CPS1: variants seen among roughly 807,000 people sequenced by gnomAD.
CPS1 encodes carbamoyl-phosphate synthase 1, also known as carbamoyl-phosphate synthase [ammonia], mitochondrial.
In CPS1, 109 loss-of-function variants were observed where a neutral mutation model predicts 174.6. The observed-to-expected ratio is 0.62, with a 90% confidence interval of 0.53 to 0.73. The LOEUF is 0.73. Among genes scored for constraint, CPS1 ranks in the 30% least tolerant of loss-of-function variants. The probability of loss-of-function intolerance (pLI) is 0.00; values close to 1 mark genes in which losing one functional copy is unlikely to be tolerated. For missense variants in CPS1, 1,689 were observed against 1,821.9 expected (o/e 0.93, Z 1.33); for synonymous variants, 637 against 632.0 (o/e 1.01, Z -0.12).
intron 1 of CPS1, among the ~76,000 whole-genome samples, chr2:210,513,715 G>A (rs1695596471): frequency 6.6e-6 from 1 of 151,912 alleles, no homozygotes; most frequent in African/African-American, 2.4e-5. Flanking sequence ...GTGAATTTTT[G>A]TTTCTGTTGC....
chr2:210,621,301 G>GT (rs1331598844), intron 21 of CPS1, among the ~76,000 whole-genome samples: 4 of 152,112 alleles, frequency 2.6e-5, no homozygotes, highest in Non-Finnish European at 5.9e-5. Flanking sequence ...TCGAATACTT[G>GT]TTATGTGTAT....
At chr2:210,601,101 A>T (rs1698709679) in intron 15 of CPS1, among the ~76,000 whole-genome samples, 1 of 151,824 alleles carries the variant, frequency 6.6e-6, no homozygotes, top group South Asian at 2.1e-4. Flanking sequence ...TTTGCTTTAA[A>T]TTTTTTTTAA....
chr2:210,614,293 C>CT (rs1373236906), intron 20 of CPS1, among the ~76,000 whole-genome samples: 1 of 151,720 alleles, frequency 6.6e-6, no homozygotes, highest in Non-Finnish European at 1.5e-5. Flanking sequence ...TTTATCCAGT[C>CT]TATCATTGAT....
intron 17 of CPS1, among the ~76,000 whole-genome samples, chr2:210,605,673 G>A (rs1698882611): frequency 6.6e-6 from 1 of 151,818 alleles, no homozygotes; most frequent in Admixed American, 6.6e-5. Context: ...TGATAACTTA[G>A]GATTTAAAAG....
chr2:210,659,552 G>A (rs1217034767), intron 31 of CPS1, among the ~76,000 whole-genome samples: 2 of 152,034 alleles, frequency 1.3e-5, no homozygotes, highest in East Asian at 3.9e-4. Context: ...GGCCACACTG[G>A]GGACCAAATT....
intron 1 of CPS1, among the ~76,000 whole-genome samples, chr2:210,536,288 A>G (rs1423839972): frequency 6.7e-6 from 1 of 148,920 alleles, no homozygotes; most frequent in African/African-American, 2.5e-5. Context: ...AGTTTTAAAT[A>G]TATGTATTTT....
chr2:210,662,541 A>C (rs952457863), intron 32 of CPS1, among the ~76,000 whole-genome samples: 2 of 152,230 alleles, frequency 1.3e-5, no homozygotes, highest in Admixed American at 6.5e-5. Context: ...CATCAGTAAA[A>C]TAAATGAAAA....
intron 1 of CPS1, among the ~76,000 whole-genome samples, chr2:210,494,069 C>T (rs1475477326): frequency 6.6e-6 from 1 of 152,094 alleles, no homozygotes; most frequent in Non-Finnish European, 1.5e-5. Flanking sequence ...AACAGAGTAT[C>T]GAGGTAGGCT....
chr2:210,517,289 A>G (rs1181550976), intron 1 of CPS1, among the ~76,000 whole-genome samples: 2 of 151,964 alleles, frequency 1.3e-5, no homozygotes, highest in Non-Finnish European at 2.9e-5. Flanking sequence ...TTGGTGCATA[A>G]TCTTCAAAGA....
chr2:210,654,113 T>G lies in CPS1; in HGVS notation c.3558+11T>G. On this transcript the variant is annotated intron_variant, in intron 29 of 37. Coordinates refer to ENST00000233072, the MANE Select transcript of CPS1 (RefSeq NM_001875.5). ...GGCAAAGATGGAAGGGTAAGTGCTT[T>G]ATTCTCATCTCCTTCATTCCTGCCT... is the stretch of plus-strand genomic sequence containing the variant. The G allele has an allele frequency of 2.5e-6, 4 of 1,609,684 alleles. No individual in the cohort carries two copies. The highest frequency in any genetic ancestry group is 3.4e-6 in the Non-Finnish European group (4 of 1,175,934).
At chr2:210,588,243 T>A in intron 7 of CPS1, 96 bp downstream of exon 7, 1 of 1,001,560 alleles carries the variant, frequency 1.0e-6, no homozygotes, top group Non-Finnish European at 1.6e-6. Context: ...ATGCATTCTT[T>A]CAGAATGTCA....
At position 210,500,018 on chromosome 2, in the gene CPS1, A is replaced by G. The variant is rs560574733; in HGVS notation, c.3+22252A>G. Reference sequence around the variant, plus strand: ...TAGGGGAGGCCTCAGGAAGCTTACAATTATGGTGGAAGGCACATCTTCACA... The same window carrying G: ...TAGGGGAGGCCTCAGGAAGCTTACAGTTATGGTGGAAGGCACATCTTCACA... On this transcript the variant is annotated intron_variant, in intron 1 of 38. Coordinates refer to the CPS1 transcript ENST00000430249. Among the ~76,000 whole-genome samples the G allele has an allele frequency of 2.6e-5, 4 of 152,226 alleles. No homozygotes were observed. In the South Asian group the frequency reaches 6.2e-4, roughly 24 times the overall value.
intron 1 of CPS1, among the ~76,000 whole-genome samples, chr2:210,531,837 G>A (rs1186572142): frequency 6.6e-6 from 1 of 152,100 alleles, no homozygotes; most frequent in Non-Finnish European, 1.5e-5. Flanking sequence ...TCTTTGTGTG[G>A]TACATGGTTT....
intron 28 of CPS1, 78 bp downstream of exon 28, chr2:210,650,516 TG>T: frequency 1.9e-6 from 2 of 1,042,358 alleles, no homozygotes; most frequent in Non-Finnish European, 3.0e-6. Flanking sequence ...TAAAATGTAG[TG>T]ACATTTATCT....
At chr2:210,525,999 C>G (rs1695963280) in intron 1 of CPS1, among the ~76,000 whole-genome samples, 1 of 151,716 alleles carries the variant, frequency 6.6e-6, no homozygotes, top group Admixed American at 6.6e-5. Context: ...CACTGGGGAA[C>G]TAATGGGAGA....
rs1181945940 is a variant in CPS1, at chr2:210,608,559, G to T, written c.2391G>T (p.Glu797Asp). The change falls in exon 19 of 38, where the codon GAG (glutamate) becomes GAT (aspartate). Residue 797 changes from glutamate (E) to aspartate (D), a missense_variant and splice_region_variant. Physicochemically the swap from Glu to Asp is conservative, Grantham distance 45. Coordinates refer to ENST00000233072, the MANE Select transcript of CPS1 (RefSeq NM_001875.5). ...GTAGCTCTATGAAAAGTGTAGGAGA[G>T]GTGAGTCCTTGGTTTATTACGCTTT... The part of the protein sequence containing the change: ...RIGSSMKSVG[E>D]VMAIGRTFEE... 1.9e-6 allele frequency: 3 copies of T among 1,611,114 alleles called. No individual in the cohort carries two copies. Among genetic ancestry groups the T allele is most frequent in the Non-Finnish European group, 2.5e-6 (3 of 1,178,036 alleles).
In CPS1 at chr2:210,612,298, G is replaced by T; in HGVS notation, c.2568+5G>T. ...CGTATCTATGCCATTGCCAAGGTAA[G>T]ATGTTACAAGGGGCCCACAGCTACT... On this transcript the variant is annotated splice_donor_5th_base_variant and intron_variant, in intron 20 of 37. Coordinates refer to ENST00000233072, the MANE Select transcript of CPS1 (RefSeq NM_001875.5). The T allele has an allele frequency of 6.2e-7, 1 of 1,611,720 alleles. No homozygotes were observed. The highest frequency in any genetic ancestry group is 8.5e-7 in the Non-Finnish European group (1 of 1,178,426).
In CPS1 at chr2:210,543,615, A is replaced by G. The variant is rs187977261; in HGVS notation, c.4-13104A>G. Among the ~76,000 whole-genome samples, 21 of 152,180 alleles carry G rather than the reference A, an allele frequency of 1.4e-4. No homozygotes were observed. The East Asian group carries it at 3.1e-3, about 22-fold the overall frequency. On this transcript the variant is annotated intron_variant, in intron 1 of 38. Coordinates refer to the CPS1 transcript ENST00000430249. Reference sequence around the variant, plus strand: ...AAAACAGCCTACTTTATTCCTGCAGAGTTTGTAATCATATATTGTAATAAA... The same window carrying G: ...AAAACAGCCTACTTTATTCCTGCAGGGTTTGTAATCATATATTGTAATAAA...
intron 1 of CPS1, among the ~76,000 whole-genome samples, chr2:210,559,424 C>T (rs1045081943): frequency 2.6e-5 from 4 of 152,014 alleles, no homozygotes; most frequent in African/African-American, 9.7e-5. Context: ...TTATGTGGCC[C>T]TTCCCTGGGT....
Sources: allele counts gnomAD v4.1 joint callset (sites outside exome capture counted in the v4.1 genomes callset), GRCh38; gene constraint gnomAD v4.1.1; transcripts MANE v1.5; gene names NCBI Gene and HGNC (gene_info 2026-07-23, HGNC 2026-07-21).